The following CALN1 variants were observed in gnomAD, a reference collection of about 807,000 sequenced individuals.
The protein encoded by CALN1 is calcium-binding protein 8.
Under a neutral mutation model 30.6 loss-of-function variants are expected in CALN1, and 17 were observed. The observed-to-expected ratio is 0.56, with a 90% CI of 0.38 to 0.83. The LOEUF (loss-of-function observed/expected upper bound fraction) is 0.83. Among genes scored for constraint, CALN1 ranks in the 40% least tolerant of loss-of-function variants. The pLI is 0.00. For synonymous variants in CALN1, 156 were observed against 131.4 expected, an observed-to-expected ratio of 1.19 and a Z score of -1.28; for missense variants, 291 against 354.9, an observed-to-expected ratio of 0.82 and a Z score of 1.45.
At chr7:71,816,319 T>C (rs1788262906) in intron 5 of CALN1, among the ~76,000 whole-genome samples, 1 of 152,180 alleles carries the variant, frequency 6.6e-6, no homozygotes, top group African/African-American at 2.4e-5. Flanking sequence ...GACAGGAATT[T>C]TGACATACAC....
intron 5 of CALN1, among the ~76,000 whole-genome samples, chr7:71,920,790 G>A (rs1315780522): frequency 6.6e-6 from 1 of 152,078 alleles, no homozygotes; most frequent in Non-Finnish European, 1.5e-5. Context: ...AGCTGAACTA[G>A]GTATAAGAAC....
the CALN1 span, among the ~76,000 whole-genome samples, chr7:72,501,940 T>TATATATACACACACATATATATATATAA: frequency 1.2e-5 from 1 of 83,944 alleles, no homozygotes; most frequent in Non-Finnish European, 2.2e-5. Context: ...TATATATATA[T>TATATATACACACACATATATATATATAA]ATATATATAC....
At chr7:72,187,619 C>A (rs1038724834) in intron 3 of CALN1, among the ~76,000 whole-genome samples, 2 of 152,152 alleles carry the variant, frequency 1.3e-5, no homozygotes, top group Admixed American at 1.3e-4. Context: ...CGCCTCAAGT[C>A]CATGGAAAAA....
intron 2 of CALN1, among the ~76,000 whole-genome samples, chr7:72,319,254 G>C (rs78699572): frequency 3.9e-5 from 6 of 152,278 alleles, no homozygotes; most frequent in Non-Finnish European, 8.8e-5. Flanking sequence ...ACAAAAGAAA[G>C]AGGTTCCACA....
chr7:72,427,832 A>G (rs1022926947), intron 1 of CALN1, among the ~76,000 whole-genome samples: 6 of 152,036 alleles, frequency 3.9e-5, no homozygotes, highest in Non-Finnish European at 7.4e-5. Flanking sequence ...TGTCTTGCTT[A>G]AAGTTCTCTC....
intron 5 of CALN1, among the ~76,000 whole-genome samples, chr7:71,886,208 C>A (rs542626371): frequency 2.6e-5 from 4 of 152,250 alleles, no homozygotes; most frequent in African/African-American, 7.2e-5. Flanking sequence ...CTTGCCCCAC[C>A]GCCGCAAGGC....
chr7:72,259,552 T>C (rs982348030), intron 3 of CALN1, among the ~76,000 whole-genome samples: 4 of 152,172 alleles, frequency 2.6e-5, no homozygotes, highest in Non-Finnish European at 5.9e-5. Context: ...GAGTATGGGC[T>C]TTGGAGTCTG....
At chr7:71,874,787 G>A (rs140380169) in intron 5 of CALN1, among the ~76,000 whole-genome samples, 115 of 152,154 alleles carry the variant, frequency 7.6e-4, no homozygotes, top group African/African-American at 1.3e-3. Context: ...CGAGAGAAAC[G>A]GCCAGAGTGG....
chr7:72,321,473 G>T (rs1460315585), intron 2 of CALN1, among the ~76,000 whole-genome samples: 1 of 152,130 alleles, frequency 6.6e-6, no homozygotes, highest in Non-Finnish European at 1.5e-5. Flanking sequence ...TGTTCTCTAT[G>T]GGTTTCAACG....
chr7:71,888,061 C>T lies in CALN1; in HGVS notation c.502-77569G>A, dbSNP rs111723279. On this transcript the variant is annotated intron_variant, in intron 5 of 6. Transcript: ENST00000395275. ...GAGTCTGGGCGTAGAAAGAGAGCTG[C>T]GAGGATCATAGGGAAGTCTGGGATA... is the stretch of plus-strand genomic sequence containing the variant. Among the ~76,000 whole-genome samples the T allele has an allele frequency of 1.4e-4, 21 of 151,918 alleles. No individual in the cohort carries two copies. The East Asian group carries it at 2.9e-3, about 21-fold the overall frequency.
intron 5 of CALN1, among the ~76,000 whole-genome samples, chr7:71,944,421 C>T (rs549532581): frequency 3.3e-5 from 5 of 151,608 alleles, no homozygotes; most frequent in African/African-American, 1.2e-4. Context: ...ATGGTGAAAC[C>T]CTGTCTTTAC....
chr7:72,191,255 C>T (rs950718749), intron 3 of CALN1, among the ~76,000 whole-genome samples: 1 of 152,082 alleles, frequency 6.6e-6, no homozygotes, highest in African/African-American at 2.4e-5. Flanking sequence ...CAGAGAACAA[C>T]GTAGCAATTT....
At chr7:72,449,668 C>G (rs992203683), upstream of CALN1, among the ~76,000 whole-genome samples, 1 of 151,874 alleles carries the variant, frequency 6.6e-6, no homozygotes, top group African/African-American at 2.4e-5. Context: ...GTCAGGAGAT[C>G]GAGACCATCC....
At chr7:71,818,717 TTTA>T (rs869047341) in intron 5 of CALN1, among the ~76,000 whole-genome samples, 50 of 147,720 alleles carry the variant, frequency 3.4e-4, no homozygotes, top group South Asian at 6.3e-4. Context: ...TATTTATTTA[TTTA>T]TTTTTTTGAG....
chr7:71,803,952 G>A (rs1044261234), intron 6 of CALN1, among the ~76,000 whole-genome samples: 5 of 228 alleles, frequency 0.022, no homozygotes, highest in South Asian at 0.5. Context: ...GTGTGTGCGT[G>A]TGTGTGTGTG....
intron 2 of CALN1, among the ~76,000 whole-genome samples, chr7:72,394,842 G>T (rs916130554): frequency 6.6e-6 from 1 of 151,704 alleles, no homozygotes; most frequent in East Asian, 1.9e-4. Context: ...TTTTTTTGTA[G>T]AGATGGACTC....
chr7:72,231,096 G>A (rs952731530), intron 3 of CALN1, among the ~76,000 whole-genome samples: 2 of 151,932 alleles, frequency 1.3e-5, no homozygotes, highest in South Asian at 2.1e-4. Flanking sequence ...TGAGCTATCA[G>A]ATCAACTGTT....
chr7:71,848,774 T>C (rs1562836959), intron 5 of CALN1, among the ~76,000 whole-genome samples: 1 of 152,278 alleles, frequency 6.6e-6, no homozygotes, highest in East Asian at 1.9e-4. Context: ...ACATTGGTAG[T>C]TGTAAAGTCC....
chr7:72,239,119 G>T (rs1382144595), intron 3 of CALN1, among the ~76,000 whole-genome samples: 1 of 152,124 alleles, frequency 6.6e-6, no homozygotes, highest in African/African-American at 2.4e-5. Flanking sequence ...TGTGATGGCT[G>T]GGAAAAGTGG....
Sources: gnomAD v4.1 joint callset for allele counts (sites outside exome capture counted in the v4.1 genomes callset) on GRCh38, gnomAD v4.1.1 for gene constraint, MANE v1.5 for transcripts, NCBI Gene and HGNC (gene_info 2026-07-23, HGNC 2026-07-21) for gene names.